Variants in TSGA10 observed in about 807,000 individuals in gnomAD.
TSGA10 encodes the protein testis specific 10.
A neutral mutation model predicts 96.6 loss-of-function variants in TSGA10; 43 were observed. The observed-to-expected ratio is 0.44, with a 90% CI of 0.35 to 0.57. The LOEUF is 0.57. Among genes scored for constraint, TSGA10 ranks in the 20% least tolerant of loss-of-function variants. The pLI is 0.01. For missense variants in TSGA10, 703 were observed against 834.4 expected (o/e 0.84, Z 1.94); for synonymous variants, 229 against 269.9 (o/e 0.85, Z 1.48).
At chr2:99,086,811 T>C (rs1462748095) in intron 10 of TSGA10, among the ~76,000 whole-genome samples, 13 of 151,934 alleles carry the variant, frequency 8.6e-5, no homozygotes. Flanking sequence ...ACAGGTGACA[T>C]GATAATCTAC....
chr2:99,062,791 A>T (rs1248458567), intron 16 of TSGA10, among the ~76,000 whole-genome samples: 2 of 152,196 alleles, frequency 1.3e-5, no homozygotes, highest in African/African-American at 4.8e-5. Flanking sequence ...AAACGAGATG[A>T]TATTAAAAAC....
At chr2:99,141,046 G>T in intron 1 of TSGA10, 1 of 1,253,922 alleles carries the variant, frequency 8.0e-7, no homozygotes, top group Non-Finnish European at 1.0e-6. Flanking sequence ...TCCAGTAGCA[G>T]CACTCTCCCC....
intron 1 of TSGA10, among the ~76,000 whole-genome samples, chr2:99,132,341 G>T (rs1323865749): frequency 6.6e-6 from 1 of 151,530 alleles, no homozygotes; most frequent in Non-Finnish European, 1.5e-5. Flanking sequence ...ACTTCTTCCT[G>T]GTTTAGTCCT....
At chr2:99,075,824 T>A (rs550917006) in intron 12 of TSGA10, among the ~76,000 whole-genome samples, 1 of 152,174 alleles carries the variant, frequency 6.6e-6, no homozygotes, top group East Asian at 1.9e-4. Flanking sequence ...CACAAGAAAA[T>A]GAGATTTTGA....
At position 99,109,460 on chromosome 2, in the gene TSGA10, C is replaced by T; in HGVS notation, c.-21G>A. 2.5e-6 allele frequency: 4 copies of T among 1,613,840 alleles called. No homozygotes were observed. Among genetic ancestry groups the T allele is most frequent in the Non-Finnish European group, 3.4e-6 (4 of 1,179,818 alleles). On this transcript the variant is annotated 5_prime_UTR_variant, in exon 6 of 21. Transcript: ENST00000393483. ...ATCATCTTTCTCAAATGTTGAGCTT[C>T]ACTCTTATAGTGATCTTTGTCTGCT...
intron 12 of TSGA10, among the ~76,000 whole-genome samples, chr2:99,073,402 T>A (rs1216165425): frequency 6.6e-6 from 1 of 152,198 alleles, no homozygotes; most frequent in African/African-American, 2.4e-5. Flanking sequence ...GGCAAACCAA[T>A]GGTTTGGCAT....
intron 16 of TSGA10, among the ~76,000 whole-genome samples, chr2:99,043,391 TA>T: frequency 6.6e-6 from 1 of 152,006 alleles, no homozygotes; most frequent in African/African-American, 2.4e-5. Context: ...CCGAAAAATA[TA>T]GGACACTATT....
At chr2:99,025,460 G>A (rs979059654) in intron 17 of TSGA10, among the ~76,000 whole-genome samples, 13 of 152,108 alleles carry the variant, frequency 8.5e-5, no homozygotes, top group African/African-American at 3.1e-4. Context: ...AAGGTTAGTA[G>A]TGATGTCCCT....
intron 1 of TSGA10, among the ~76,000 whole-genome samples, chr2:99,127,578 G>T (rs2092895246): frequency 6.6e-6 from 1 of 152,036 alleles, no homozygotes; most frequent in Non-Finnish European, 1.5e-5. Flanking sequence ...CCTGAATATA[G>T]AAATAATCCC....
At chr2:99,036,168 G>A (rs2081608717) in intron 16 of TSGA10, among the ~76,000 whole-genome samples, 1 of 152,036 alleles carries the variant, frequency 6.6e-6, no homozygotes, top group Non-Finnish European at 1.5e-5. Context: ...AGAACTGAGA[G>A]GCAAATAAAT....
intron 20 of TSGA10, among the ~76,000 whole-genome samples, chr2:99,008,174 T>C (rs1023946601): frequency 1.3e-5 from 2 of 152,054 alleles, no homozygotes; most frequent in African/African-American, 2.4e-5. Context: ...GAAATCCAGA[T>C]GCATTAAAGG....
chr2:99,095,143 A>G (rs1183829721), intron 10 of TSGA10, among the ~76,000 whole-genome samples: 1 of 152,242 alleles, frequency 6.6e-6, no homozygotes, highest in Non-Finnish European at 1.5e-5. Context: ...GAAGTAACTC[A>G]GGAATGGAAA....
At chr2:99,068,830 T>C (rs1308745867) in intron 15 of TSGA10, 58 bp downstream of exon 15, 9 of 828,320 alleles carry the variant, frequency 1.1e-5, no homozygotes, top group Non-Finnish European at 1.6e-5. Context: ...TACCAACTTC[T>C]AAATTAACTC....
chr2:99,102,842 C>T (rs949003513), intron 10 of TSGA10: 1 of 1,018,032 alleles, frequency 9.8e-7, no homozygotes, highest in Non-Finnish European at 1.5e-6. Flanking sequence ...AATATTTGGC[C>T]AATAGTTTTC....
intron 1 of TSGA10, among the ~76,000 whole-genome samples, chr2:99,139,126 AGT>A (rs954961785): frequency 4.6e-5 from 7 of 152,132 alleles, no homozygotes; most frequent in African/African-American, 1.4e-4. Context: ...AGCCAGGCAT[AGT>A]GGCATCCACC....
chr2:99,094,220 A>T (rs2089731857), intron 10 of TSGA10, among the ~76,000 whole-genome samples: 1 of 152,202 alleles, frequency 6.6e-6, no homozygotes, highest in Non-Finnish European at 1.5e-5. Flanking sequence ...ATGAAACTGG[A>T]TCCTCATCTC....
At chr2:99,141,099 C>G in intron 1 of TSGA10, 3 of 1,284,536 alleles carry the variant, frequency 2.3e-6, no homozygotes, top group Non-Finnish European at 3.0e-6. Flanking sequence ...CTCCGGGTCC[C>G]TCCCCGGGCT....
At chr2:99,134,944 C>T (rs1362524821) in intron 1 of TSGA10, among the ~76,000 whole-genome samples, 1 of 152,210 alleles carries the variant, frequency 6.6e-6, no homozygotes, top group Non-Finnish European at 1.5e-5. Context: ...GCAAAGATTG[C>T]TGCCTGTTTC....
chr2:99,145,475 T>C (rs2093622324), intron 1 of TSGA10, among the ~76,000 whole-genome samples: 1 of 151,840 alleles, frequency 6.6e-6, no homozygotes, highest in Non-Finnish European at 1.5e-5. Context: ...CGAGAATCAC[T>C]TGAACCCAGG....
Sources: allele counts gnomAD v4.1 joint callset (sites outside exome capture counted in the v4.1 genomes callset), GRCh38; gene constraint gnomAD v4.1.1; transcripts MANE v1.5; gene names NCBI Gene and HGNC (gene_info 2026-07-23, HGNC 2026-07-21).